TG: variants seen among roughly 807,000 people sequenced by gnomAD.
The protein encoded by TG is thyroid hormones.
TG carries 270 observed loss-of-function variants against 324.7 expected under a neutral mutation model. The ratio of observed to expected loss-of-function variants is 0.83; its 90% CI spans 0.75 to 0.92. The LOEUF is 0.92. Among genes scored for constraint, TG ranks in the 40% least tolerant of loss-of-function variants. The pLI, the probability that TG is intolerant of heterozygous loss-of-function variation, is 0.00. For missense variants in TG, 3,591 were observed against 3,456.4 expected (o/e 1.04, Z -0.98); for synonymous variants, 1,401 against 1,327.0 (o/e 1.06, Z -1.21).
chr8:132,895,381 G>A (rs1001996498), intron 11 of TG, among the ~76,000 whole-genome samples: 2 of 152,244 alleles, frequency 1.3e-5, no homozygotes, highest in South Asian at 2.1e-4. Context: ...TATGGCCAGC[G>A]TGGGATTGGG....
chr8:133,081,684 G>T (rs1030701375), intron 41 of TG, among the ~76,000 whole-genome samples: 3 of 152,100 alleles, frequency 2.0e-5, no homozygotes, highest in African/African-American at 7.2e-5. Flanking sequence ...TTCTGTCATT[G>T]CTCAACCTAG....
intron 47 of TG, 132 bp from the exon 48 acceptor site, chr8:133,134,544 A>C (rs1852207454): frequency 1.2e-6 from 1 of 839,262 alleles, no homozygotes; most frequent in Non-Finnish European, 2.0e-6. Context: ...CAGCCAGTGG[A>C]AAATTCCCTC....
chr8:132,900,462 T>C (rs1465175306), intron 15 of TG, 123 bp downstream of exon 15: 25 of 873,924 alleles, frequency 2.9e-5, no homozygotes, highest in Non-Finnish European at 4.4e-5. Flanking sequence ...GCACAGCTGC[T>C]GACCTCACTA....
intron 45 of TG, among the ~76,000 whole-genome samples, chr8:133,120,571 T>C (rs2131799207): frequency 6.6e-6 from 1 of 152,288 alleles, no homozygotes; most frequent in Middle Eastern, 3.4e-3. Context: ...CCTAAGGCGA[T>C]TCTTGGCTCA....
chr8:133,050,468 T>TTCC (rs1397725309), intron 41 of TG: 2 of 253,978 alleles, frequency 7.9e-6, no homozygotes, highest in African/African-American at 4.5e-5. Flanking sequence ...TCCGAAGGAT[T>TTCC]TCCAGACCCT....
intron 27 of TG, among the ~76,000 whole-genome samples, chr8:132,960,174 G>T (rs926822125): frequency 2.0e-5 from 3 of 152,104 alleles, no homozygotes; most frequent in African/African-American, 7.2e-5. Context: ...ACAAAGTTTT[G>T]CATGTGTATC....
At chr8:132,917,225 G>A (rs919057889) in intron 20 of TG, among the ~76,000 whole-genome samples, 2 of 152,044 alleles carry the variant, frequency 1.3e-5, no homozygotes, top group African/African-American at 4.8e-5. Context: ...AGATCAGTGA[G>A]TATTCAGCTA....
intron 32 of TG, 106 bp downstream of exon 32, chr8:132,969,675 G>A (rs1829192282): frequency 3.6e-6 from 3 of 826,282 alleles, no homozygotes; most frequent in African/African-American, 3.4e-5. Context: ...CACTTTGGGA[G>A]GCCGAGCTGG....
intron 42 of TG, among the ~76,000 whole-genome samples, chr8:133,095,569 C>T (rs1019104492): frequency 6.6e-6 from 1 of 152,232 alleles, no homozygotes; most frequent in African/African-American, 2.4e-5. Context: ...TAACAGGTCA[C>T]AGCTAGATGT....
At chr8:132,942,440 T>C (rs2741215) in intron 26 of TG, among the ~76,000 whole-genome samples, 76,915 of 152,034 alleles carry the variant, frequency 0.51, 21,250 homozygotes, top group Non-Finnish European at 0.61. Context: ...ACATTAAATT[T>C]ATGAAAAATT....
intron 43 of TG, among the ~76,000 whole-genome samples, chr8:133,097,237 T>G (rs971268500): frequency 6.6e-6 from 1 of 152,264 alleles, no homozygotes; most frequent in Admixed American, 6.5e-5. Flanking sequence ...AACAGGATCC[T>G]GAGTTCCTTT....
At chr8:133,084,278 G>T (rs192345704) in intron 41 of TG, among the ~76,000 whole-genome samples, 100 of 152,184 alleles carry the variant, frequency 6.6e-4, no homozygotes, top group South Asian at 2.9e-3. Context: ...TCTTCTCCTG[G>T]GCCCTGAAAC....
At chr8:132,983,667 A>C in intron 35 of TG, 1 of 571,680 alleles carries the variant, frequency 1.7e-6, no homozygotes. Context: ...AGTAAGACCT[A>C]AGTCGCGTTC....
chr8:132,987,074 G>A (rs1303853636), intron 35 of TG, among the ~76,000 whole-genome samples: 1 of 151,286 alleles, frequency 6.6e-6, no homozygotes, highest in Admixed American at 6.6e-5. Context: ...AAAAAAAAAA[G>A]ATGGAGCATG....
At chr8:133,134,620 A>C in intron 47 of TG, 56 bp from the exon 48 acceptor site, 8 of 1,465,098 alleles carry the variant, frequency 5.5e-6, no homozygotes, top group Non-Finnish European at 6.7e-6. Flanking sequence ...GGAAGGGACC[A>C]GAGAAGAGAA....
intron 11 of TG, among the ~76,000 whole-genome samples, chr8:132,896,331 C>T (rs944030267): frequency 9.2e-5 from 14 of 152,202 alleles, no homozygotes; most frequent in Non-Finnish European, 1.2e-4. Context: ...CTTCAGAGGT[C>T]GGTCCTGGTG....
In TG at chr8:132,972,672, C is replaced by A. The variant is rs751735110; in HGVS notation, c.6130C>A (p.Arg2044Ser). Residue 2044 changes from arginine (R) to serine (S), a missense_variant, in exon 34 of 48, where the codon CGC (arginine) becomes AGC (serine). Physicochemically the swap from Arg to Ser is moderately radical, Grantham distance 110. Transcript: ENST00000220616. ...CAGTGAGGAGAATGGAGGAGCCTGG[C>A]GCATTTTGGACTGTGGCTCTCCTGA... Reference protein sequence around the residue: ...MCSEENGGAWRILDCGSPDIE... With the variant: ...MCSEENGGAWSILDCGSPDIE... 2 of 1,612,258 alleles carry A rather than the reference C, an allele frequency of 1.2e-6. No individual in the cohort carries two copies. Among genetic ancestry groups the A allele is most frequent in the African/African-American group, 1.3e-5 (1 of 74,260 alleles).
chr8:133,092,200 G>A (rs1847666132), intron 41 of TG, among the ~76,000 whole-genome samples: 1 of 152,248 alleles, frequency 6.6e-6, no homozygotes, highest in Non-Finnish European at 1.5e-5. Flanking sequence ...GTCTCCATCT[G>A]TGGTTGTGTG....
chr8:133,026,564 T>G (rs1016259085), intron 40 of TG, among the ~76,000 whole-genome samples: 4 of 151,952 alleles, frequency 2.6e-5, no homozygotes, highest in Admixed American at 2.6e-4. Flanking sequence ...GGAACTGGGG[T>G]GGTGGCATCA....
Sources: gnomAD v4.1 joint callset for allele counts (sites outside exome capture counted in the v4.1 genomes callset) on GRCh38, gnomAD v4.1.1 for gene constraint, MANE v1.5 for transcripts, NCBI Gene and HGNC (gene_info 2026-07-23, HGNC 2026-07-21) for gene names.